The following BICC1 variants were observed in gnomAD, a reference collection of about 807,000 sequenced individuals.
BICC1 encodes protein bicaudal C homolog 1.
In BICC1, 43 loss-of-function variants were observed where a neutral mutation model predicts 111.0. The observed-to-expected ratio is 0.39, with a 90% CI of 0.30 to 0.50. The LOEUF (loss-of-function observed/expected upper bound fraction) is 0.50, where lower values mean the gene tolerates loss of function less well. BICC1 is among the 20% of genes least tolerant of loss of function. BICC1 has a pLI of 0.88. For missense variants in BICC1, 1,091 were observed against 1,203.2 expected (o/e 0.91, Z 1.38); for synonymous variants, 467 against 434.4 (o/e 1.07, Z -0.93).
At chr10:58,806,540 T>C (rs767102405) in intron 15 of BICC1, 44 bp from the exon 16 acceptor site, 1 of 1,569,090 alleles carries the variant, frequency 6.4e-7, no homozygotes, top group South Asian at 1.1e-5. Flanking sequence ...TGGCATGACA[T>C]TTGGAGAGAC....
chr10:58,745,134 A>T (rs1841792081), intron 3 of BICC1, among the ~76,000 whole-genome samples: 1 of 152,180 alleles, frequency 6.6e-6, no homozygotes, highest in Non-Finnish European at 1.5e-5. Flanking sequence ...ACTTTCCATC[A>T]CAAAACTTCA....
intron 6 of BICC1, among the ~76,000 whole-genome samples, 180 bp from the exon 7 acceptor site, chr10:58,789,082 C>T (rs942139833): frequency 7.9e-5 from 12 of 151,562 alleles, no homozygotes; most frequent in African/African-American, 2.7e-4. Context: ...CGGAGCAAGA[C>T]TCTGACTCAA....
At chr10:58,698,823 G>C (rs981818467) in intron 2 of BICC1, among the ~76,000 whole-genome samples, 1 of 152,208 alleles carries the variant, frequency 6.6e-6, no homozygotes, top group African/African-American at 2.4e-5. Context: ...TACAGAGGAG[G>C]AAATTGAGAT....
chr10:58,807,758 G>A (rs1304222493), intron 17 of BICC1, among the ~76,000 whole-genome samples: 4 of 152,124 alleles, frequency 2.6e-5, no homozygotes, highest in Non-Finnish European at 4.4e-5. Flanking sequence ...GGCTACACGC[G>A]ATTCACCAAG....
chr10:58,778,202 G>T (rs1055932216), intron 3 of BICC1, among the ~76,000 whole-genome samples: 4 of 152,068 alleles, frequency 2.6e-5, no homozygotes, highest in Non-Finnish European at 5.9e-5. Flanking sequence ...GACAGAACAA[G>T]CCTCTGTCTC....
chr10:58,619,478 C>CTT (rs60650027), intron 1 of BICC1, among the ~76,000 whole-genome samples: 1 of 120,758 alleles, frequency 8.3e-6, no homozygotes, highest in African/African-American at 3.0e-5. Flanking sequence ...AGTTTTGAAT[C>CTT]TTTTTTTTTT....
At chr10:58,661,909 G>C (rs1218583975) in intron 2 of BICC1, among the ~76,000 whole-genome samples, 1 of 152,092 alleles carries the variant, frequency 6.6e-6, no homozygotes, top group African/African-American at 2.4e-5. Context: ...TCGAGTGTAG[G>C]TTGAGAAAAA....
chr10:58,667,553 T>C (rs1839055049), intron 2 of BICC1, among the ~76,000 whole-genome samples: 1 of 152,104 alleles, frequency 6.6e-6, no homozygotes, highest in Admixed American at 6.6e-5. Flanking sequence ...TTTTAAGTAC[T>C]CTTTTTTTTT....
chr10:58,745,156 C>T (rs1841792599), intron 3 of BICC1, among the ~76,000 whole-genome samples: 1 of 152,078 alleles, frequency 6.6e-6, no homozygotes, highest in Non-Finnish European at 1.5e-5. Context: ...CTTTTAACCA[C>T]AGGTTATGGC....
At chr10:58,663,310 A>G (rs1191527518) in intron 2 of BICC1, among the ~76,000 whole-genome samples, 1 of 151,966 alleles carries the variant, frequency 6.6e-6, no homozygotes, top group East Asian at 1.9e-4. Flanking sequence ...CAGGTGATCC[A>G]CCCACCTCGG....
chr10:58,742,940 A>C (rs1245958348), intron 3 of BICC1, among the ~76,000 whole-genome samples: 1 of 152,230 alleles, frequency 6.6e-6, no homozygotes, highest in East Asian at 1.9e-4. Flanking sequence ...GATCAATAGT[A>C]TCCTGGAGAA....
At chr10:58,739,895 T>C (rs931613206) in intron 3 of BICC1, among the ~76,000 whole-genome samples, 11 of 152,216 alleles carry the variant, frequency 7.2e-5, no homozygotes, top group African/African-American at 2.7e-4. Flanking sequence ...CCTTTGAATT[T>C]GACAGTTGGA....
rs189679169 is a variant in BICC1 at position 58,635,540 on chromosome 10, G to A, written c.237+14639G>A. Reference sequence around the variant, plus strand: ...TGAGCCTTATCAGAAGGGTGAGAGTGTAAATTATTCCAAGGTACACAATTC... The same window carrying A: ...TGAGCCTTATCAGAAGGGTGAGAGTATAAATTATTCCAAGGTACACAATTC... On this transcript the variant is annotated intron_variant, in intron 2 of 20. Coordinates refer to ENST00000373886, the MANE Select transcript of BICC1 (RefSeq NM_001080512.3). 1.7e-3 allele frequency among the ~76,000 whole-genome samples: 262 copies of A among 152,298 alleles called. 1 individual carries two copies. The highest frequency in any genetic ancestry group is 1.9e-3 in the Non-Finnish European group (128 of 68,024).
intron 1 of BICC1, among the ~76,000 whole-genome samples, chr10:58,549,260 A>G (rs934871234): frequency 1.3e-5 from 2 of 152,158 alleles, no homozygotes; most frequent in African/African-American, 4.8e-5. Context: ...TAAGACTTCT[A>G]TAAACATTCT....
intron 2 of BICC1, chr10:58,650,966 C>T (rs190921121): frequency 6.6e-6 from 1 of 151,912 alleles, no homozygotes; most frequent in Non-Finnish European, 1.5e-5. Context: ...GGTAACACTT[C>T]TGTTAGAGTT....
Position 58,571,455 on chromosome 10 carries a change from T to TC in BICC1, c.191-49398dup, listed in dbSNP as rs200016951. Among the ~76,000 whole-genome samples, 1,164 of 152,190 alleles carry TC rather than the reference T, an allele frequency of 7.6e-3. 8 individuals carry two copies. The highest frequency in any genetic ancestry group is 0.016 in the Admixed American group (241 of 15,266). ...CATCACCCAGGTATTAATCCCAGCATCCACTACTTATTCTTCTTGATTTTC... is the reference window on the plus strand; with the variant it reads ...CATCACCCAGGTATTAATCCCAGCATCCCACTACTTATTCTTCTTGATTTTC... On this transcript the variant is annotated intron_variant, in intron 1 of 20. Transcript: ENST00000373886.
chr10:58,737,098 G>C (rs1230869782), intron 3 of BICC1, among the ~76,000 whole-genome samples: 1 of 151,742 alleles, frequency 6.6e-6, no homozygotes, highest in Non-Finnish European at 1.5e-5. Flanking sequence ...TACTTTCTGT[G>C]ATTTTTTAAA....
At chr10:58,694,104 T>C (rs565790273) in intron 2 of BICC1, among the ~76,000 whole-genome samples, 1 of 152,308 alleles carries the variant, frequency 6.6e-6, no homozygotes, top group South Asian at 2.1e-4. Flanking sequence ...TAATCAGCAA[T>C]GTCAGCATTC....
intron 1 of BICC1, among the ~76,000 whole-genome samples, chr10:58,616,487 G>A (rs1845611163): frequency 6.6e-6 from 1 of 152,228 alleles, no homozygotes; most frequent in Admixed American, 6.5e-5. Flanking sequence ...GCTACAGCCA[G>A]GTGGGGGTGT....
Sources: gnomAD v4.1 joint callset for allele counts (sites outside exome capture counted in the v4.1 genomes callset) on GRCh38, gnomAD v4.1.1 for gene constraint, MANE v1.5 for transcripts, NCBI Gene and HGNC (gene_info 2026-07-23, HGNC 2026-07-21) for gene names.